Variants in RTL4 observed in about 807,000 individuals in gnomAD.
RTL4 encodes retrotransposon Gag like 4.
A neutral mutation model predicts 5.3 loss-of-function variants in RTL4; 4 were observed. That is an observed-to-expected ratio of 0.75 (90% CI 0.37 to 1.72). RTL4 has a LOEUF of 1.72. Among genes scored for constraint, RTL4 ranks in the 40% most tolerant of loss-of-function variants. The pLI is 0.04. For synonymous variants in RTL4, 98 were observed against 87.3 expected, an observed-to-expected ratio of 1.12 and a Z score of -0.68; for missense variants, 260 against 227.1, an observed-to-expected ratio of 1.14 and a Z score of -0.93.
the RTL4 span, among the ~76,000 whole-genome samples, chrX:112,169,030 T>TTC: frequency 3.8e-5 from 1 of 26,317 alleles, no homozygotes; most frequent in Non-Finnish European, 6.6e-5. Flanking sequence ...CTCTTTCTCT[T>TTC]TCTTTCTTTC....
At chrX:112,351,867 AT>A in the RTL4 span, among the ~76,000 whole-genome samples, 1 of 111,432 alleles carries the variant, frequency 9.0e-6, no homozygotes, top group African/African-American at 3.3e-5. Context: ...GCCCATTTAC[AT>A]TTAAAGTTAA....
At chrX:112,160,997 G>A in the RTL4 span, among the ~76,000 whole-genome samples, 1 of 111,042 alleles carries the variant, frequency 9.0e-6, no homozygotes, top group African/African-American at 3.3e-5. Context: ...CCCAAGCAGG[G>A]TGACTATAGT....
At chrX:112,432,126 A>G in the RTL4 span, among the ~76,000 whole-genome samples, 1 of 104,422 alleles carries the variant, frequency 9.6e-6, no homozygotes, top group Admixed American at 1.0e-4. Flanking sequence ...AATCCAGTCT[A>G]TCATTGTTGG....
the RTL4 span, among the ~76,000 whole-genome samples, chrX:112,311,186 T>C: frequency 9.1e-6 from 1 of 109,756 alleles, no homozygotes; most frequent in Non-Finnish European, 1.9e-5. Context: ...ATTTTGGGGA[T>C]TGTGAGTAGG....
the RTL4 span, among the ~76,000 whole-genome samples, chrX:112,161,191 ATAATAT>A: frequency 8.9e-6 from 1 of 111,770 alleles, no homozygotes; most frequent in Non-Finnish European, 1.9e-5. Flanking sequence ...TCAATCAAAA[ATAATAT>A]TAATAAGTTT....
chrX:112,191,470 GGTATCATACAGAAAAGC>G, the RTL4 span, among the ~76,000 whole-genome samples: 1 of 110,985 alleles, frequency 9.0e-6, no homozygotes, highest in East Asian at 2.8e-4. Context: ...GGCATCCTAG[GGTATCATACAGAAAAGC>G]CTAGACCCAT....
At chrX:112,090,078 G>A in the RTL4 span, among the ~76,000 whole-genome samples, 2 of 110,612 alleles carry the variant, frequency 1.8e-5, no homozygotes, top group African/African-American at 6.5e-5. Flanking sequence ...AAATGATCGT[G>A]TACTCTGCAA....
the RTL4 span, among the ~76,000 whole-genome samples, chrX:112,112,977 G>T: frequency 9.0e-6 from 1 of 111,632 alleles, no homozygotes; most frequent in Non-Finnish European, 1.9e-5. Context: ...AGGAATTACT[G>T]CCTCATTGAT....
the RTL4 span, among the ~76,000 whole-genome samples, chrX:112,315,332 G>A: frequency 9.0e-6 from 1 of 111,382 alleles, no homozygotes; most frequent in East Asian, 2.8e-4. Context: ...TACACTGAGT[G>A]GTTCAGGGCC....
the RTL4 span, among the ~76,000 whole-genome samples, chrX:112,123,845 A>T: frequency 1.8e-5 from 2 of 112,094 alleles, no homozygotes; most frequent in Middle Eastern, 4.6e-3. Context: ...ATGGAATCTA[A>T]TTAAACTAAA....
the RTL4 span, among the ~76,000 whole-genome samples, chrX:112,164,454 C>A: frequency 8.9e-6 from 1 of 111,860 alleles, no homozygotes; most frequent in Non-Finnish European, 1.9e-5. Context: ...TAAGCCAAAT[C>A]TCAATACTTT....
the RTL4 span, among the ~76,000 whole-genome samples, chrX:112,134,434 A>T: frequency 1.8e-5 from 2 of 112,422 alleles, no homozygotes; most frequent in Non-Finnish European, 3.8e-5. Context: ...AGAAACGGAC[A>T]TCTCACTCCT....
At chrX:112,332,211 G>A in the RTL4 span, among the ~76,000 whole-genome samples, 2 of 110,391 alleles carry the variant, frequency 1.8e-5, no homozygotes, top group Non-Finnish European at 1.9e-5. Flanking sequence ...TGGAGAAATA[G>A]GAACACTTTT....
the RTL4 span, among the ~76,000 whole-genome samples, chrX:112,107,730 C>T: frequency 4.5e-5 from 5 of 111,729 alleles, no homozygotes; most frequent in Admixed American, 4.8e-4. Context: ...TTGCTGCTTT[C>T]AGTGTGTTCT....
At chrX:112,172,402 A>C in the RTL4 span, among the ~76,000 whole-genome samples, 1 of 111,849 alleles carries the variant, frequency 8.9e-6, no homozygotes, top group African/African-American at 3.3e-5. Context: ...ATGAAAAAAA[A>C]CCTCAATATT....
At chrX:112,254,109 A>AT in the RTL4 span, among the ~76,000 whole-genome samples, 1 of 111,313 alleles carries the variant, frequency 9.0e-6, no homozygotes, top group Non-Finnish European at 1.9e-5. Context: ...CAGTAGACAC[A>AT]TTTTTTCTCT....
chrX:112,399,000 A>G, the RTL4 span, among the ~76,000 whole-genome samples: 1 of 112,379 alleles, frequency 8.9e-6, no homozygotes, highest in Non-Finnish European at 1.9e-5. Context: ...ATGACAGGCT[A>G]TTGAGATTTT....
the RTL4 span, among the ~76,000 whole-genome samples, chrX:112,252,998 G>A: frequency 9.0e-6 from 1 of 111,656 alleles, no homozygotes; most frequent in Non-Finnish European, 1.9e-5. Flanking sequence ...GCTTCAGCCC[G>A]AAAGAGTGGC....
chrX:112,342,917 T>C, the RTL4 span, among the ~76,000 whole-genome samples: 1 of 111,382 alleles, frequency 9.0e-6, no homozygotes, highest in Non-Finnish European at 1.9e-5. Flanking sequence ...CTGGCCAATA[T>C]GGTGAAACCC....
Sources: allele counts gnomAD v4.1 joint callset (sites outside exome capture counted in the v4.1 genomes callset), GRCh38; gene constraint gnomAD v4.1.1; transcripts MANE v1.5; gene names NCBI Gene and HGNC (gene_info 2026-07-23, HGNC 2026-07-21).